Variants in NLK observed in about 807,000 individuals in gnomAD.
NLK encodes the protein nemo like kinase, also known as serine/threonine-protein kinase NLK.
Under a neutral mutation model 59.0 loss-of-function variants are expected in NLK, and 11 were observed. The ratio of observed to expected loss-of-function variants is 0.19; its 90% CI spans 0.12 to 0.31. NLK has a LOEUF of 0.31. NLK is among the 10% of genes least tolerant of loss of function. NLK has a pLI of 1.00. For missense variants in NLK, 410 were observed against 661.1 expected, an observed-to-expected ratio of 0.62 and a Z score of 4.16; for synonymous variants, 235 against 235.9, an observed-to-expected ratio of 1.00 and a Z score of 0.03.
chr17:28,048,111 T>A, intron 1 of NLK: 1 of 394,416 alleles, frequency 2.5e-6, no homozygotes, highest in Non-Finnish European at 4.5e-6. Context: ...TCTGTATTGT[T>A]AATTTTAACT....
chr17:28,192,049 G>T, intron 9 of NLK, 71 bp from the exon 10 acceptor site: 1 of 803,378 alleles, frequency 1.2e-6, no homozygotes, highest in South Asian at 1.6e-5. Flanking sequence ...GCTGGCTAGA[G>T]TTCGCTGAGA....
chr17:28,180,594 T>C (rs573693699), intron 7 of NLK, among the ~76,000 whole-genome samples: 2 of 152,354 alleles, frequency 1.3e-5, no homozygotes, highest in African/African-American at 4.8e-5. Flanking sequence ...TCATGTCTTC[T>C]AGTACTTCTT....
At chr17:28,107,296 G>C (rs189472760) in intron 1 of NLK, among the ~76,000 whole-genome samples, 16 of 152,066 alleles carry the variant, frequency 1.1e-4, no homozygotes, top group Admixed American at 2.6e-4. Context: ...TTAGCTGGGC[G>C]TGGTGGCAGG....
rs142861124 is a variant in NLK, at chr17:28,074,349, T to A, written c.458+31018T>A. 2.8e-4 allele frequency among the ~76,000 whole-genome samples: 43 copies of A among 152,238 alleles called. No homozygotes were observed. The East Asian group carries it at 7.9e-3, about 28-fold the overall frequency. On this transcript the variant is annotated intron_variant, in intron 1 of 10. Transcript: ENST00000407008. ...TGAACTTAAAAGTTGGAGAAAAAAA[T>A]TACGCACTTTGTATCTGTAACATCA... is the stretch of plus-strand genomic sequence containing the variant.
chr17:28,055,390 T>C (rs745985386), intron 1 of NLK, among the ~76,000 whole-genome samples: 7 of 151,944 alleles, frequency 4.6e-5, no homozygotes, highest in Non-Finnish European at 8.8e-5. Flanking sequence ...CTTGCCAGGT[T>C]GGATTTTTTT....
chr17:28,112,098 G>A (rs1374620671), intron 1 of NLK, among the ~76,000 whole-genome samples: 1 of 152,054 alleles, frequency 6.6e-6, no homozygotes, highest in Non-Finnish European at 1.5e-5. Context: ...CATATATTCA[G>A]CCATCAGTTA....
At chr17:28,134,717 C>T (rs1361862827) in intron 3 of NLK, among the ~76,000 whole-genome samples, 1 of 152,158 alleles carries the variant, frequency 6.6e-6, no homozygotes, top group East Asian at 1.9e-4. Context: ...ACTTGGGGTG[C>T]CCCAGCTCTG....
intron 1 of NLK, among the ~76,000 whole-genome samples, chr17:28,091,198 A>G (rs1421424906): frequency 1.3e-5 from 2 of 152,196 alleles, no homozygotes; most frequent in Non-Finnish European, 2.9e-5. Context: ...TGAGCCATTT[A>G]TGTAAATTTT....
chr17:28,179,488 T>A (rs527687289), intron 7 of NLK, among the ~76,000 whole-genome samples: 1 of 151,904 alleles, frequency 6.6e-6, no homozygotes, highest in East Asian at 2.0e-4. Context: ...TCCAGCACTT[T>A]GGGAGGCCAA....
At chr17:28,081,801 G>A (rs1256055688) in intron 1 of NLK, among the ~76,000 whole-genome samples, 1 of 152,224 alleles carries the variant, frequency 6.6e-6, no homozygotes, top group African/African-American at 2.4e-5. Flanking sequence ...AGGAGCATGT[G>A]TTAGGAATGC....
At chr17:28,099,930 A>G (rs960548384) in intron 1 of NLK, among the ~76,000 whole-genome samples, 1 of 152,052 alleles carries the variant, frequency 6.6e-6, no homozygotes, top group African/African-American at 2.4e-5. Context: ...TGTTTTATTA[A>G]TATTTCATTT....
chr17:28,111,565 T>C (rs997995724), intron 1 of NLK, among the ~76,000 whole-genome samples: 9 of 152,154 alleles, frequency 5.9e-5, no homozygotes, highest in Non-Finnish European at 1.2e-4. Context: ...TGCTAAAAAC[T>C]GGACGTATTA....
chr17:28,157,343 A>G (rs1361170956), intron 3 of NLK, among the ~76,000 whole-genome samples: 1 of 152,094 alleles, frequency 6.6e-6, no homozygotes, highest in Non-Finnish European at 1.5e-5. Context: ...GGCACATGCC[A>G]CCACACCCAG....
chr17:28,059,294 A>AT (rs1277678683), intron 1 of NLK, among the ~76,000 whole-genome samples: 1 of 151,854 alleles, frequency 6.6e-6, no homozygotes, highest in Non-Finnish European at 1.5e-5. Flanking sequence ...TTATGTTTGG[A>AT]TTTTTTATTT....
chr17:28,134,745 A>G (rs1381063125), intron 3 of NLK, among the ~76,000 whole-genome samples: 2 of 152,234 alleles, frequency 1.3e-5, no homozygotes, highest in East Asian at 3.8e-4. Context: ...CAAAGAAAAG[A>G]CTGTCCCTTG....
At chr17:28,129,453 C>CA (rs1052328193) in intron 2 of NLK, among the ~76,000 whole-genome samples, 7 of 150,878 alleles carry the variant, frequency 4.6e-5, no homozygotes, top group Non-Finnish European at 8.9e-5. Flanking sequence ...GCTCCCGTCT[C>CA]AAAAAAAAGC....
intron 3 of NLK, among the ~76,000 whole-genome samples, chr17:28,145,123 G>A (rs934855189): frequency 6.6e-6 from 1 of 152,146 alleles, no homozygotes; most frequent in African/African-American, 2.4e-5. Flanking sequence ...ACTTAGAGGT[G>A]GCAAGAGAAC....
intron 8 of NLK, among the ~76,000 whole-genome samples, chr17:28,186,592 T>C (rs1909124477): frequency 1.3e-5 from 2 of 151,888 alleles, no homozygotes; most frequent in Non-Finnish European, 2.9e-5. Flanking sequence ...CTCACAATCA[T>C]GGCGGGAGGT....
intron 1 of NLK, among the ~76,000 whole-genome samples, chr17:28,095,947 T>A (rs557201772): frequency 6.6e-5 from 10 of 152,286 alleles, no homozygotes; most frequent in Admixed American, 1.3e-4. Flanking sequence ...TATATTAAAA[T>A]CATAAAACCA....
Sources: allele counts gnomAD v4.1 joint callset (sites outside exome capture counted in the v4.1 genomes callset), GRCh38; gene constraint gnomAD v4.1.1; transcripts MANE v1.5; gene names NCBI Gene and HGNC (gene_info 2026-07-23, HGNC 2026-07-21).